The following PHF24 variants were observed in gnomAD, a reference collection of about 807,000 sequenced individuals.
PHF24 encodes the protein Galpha inhibitory interacting protein.
A neutral mutation model predicts 42.6 loss-of-function variants in PHF24; 25 were observed. The ratio of observed to expected loss-of-function variants is 0.59; its 90% CI spans 0.43 to 0.82. The LOEUF (loss-of-function observed/expected upper bound fraction) is 0.82. Ranked by LOEUF, PHF24 falls within the 40% of genes least tolerant of loss-of-function variation. The pLI, the probability that PHF24 is intolerant of heterozygous loss-of-function variation, is 0.00. For synonymous variants in PHF24, 185 were observed against 204.8 expected (o/e 0.90, Z 0.83); for missense variants, 470 against 538.1 (o/e 0.87, Z 1.25).
the PHF24 span, among the ~76,000 whole-genome samples, chr9:34,924,582 A>T: frequency 6.6e-6 from 1 of 152,140 alleles, no homozygotes; most frequent in African/African-American, 2.4e-5. Flanking sequence ...AGCTGATATT[A>T]GTATAGCTAC....
the PHF24 span, among the ~76,000 whole-genome samples, chr9:34,754,646 G>T: frequency 6.6e-6 from 1 of 152,034 alleles, no homozygotes; most frequent in East Asian, 1.9e-4. Flanking sequence ...ATAGTTTGGA[G>T]GTTTCCCAAA....
At chr9:34,685,872 G>A in the PHF24 span, among the ~76,000 whole-genome samples, 1 of 152,140 alleles carries the variant, frequency 6.6e-6, no homozygotes, top group African/African-American at 2.4e-5. Flanking sequence ...TAGGAGATAG[G>A]TCAACTCAGA....
chr9:34,832,467 C>T, the PHF24 span: 473 of 1,503,222 alleles, frequency 3.1e-4, no homozygotes, highest in African/African-American at 7.2e-4. Flanking sequence ...CTTCTGAGCA[C>T]GATGAGATTG....
At chr9:34,723,825 G>T in the PHF24 span, 1 of 1,551,728 alleles carries the variant, frequency 6.4e-7, no homozygotes, top group Admixed American at 2.0e-5. Context: ...TGACTGTCTT[G>T]CAGGTCCTTC....
the PHF24 span, among the ~76,000 whole-genome samples, chr9:34,733,912 T>C: frequency 6.6e-6 from 1 of 152,208 alleles, no homozygotes; most frequent in Admixed American, 6.5e-5. Context: ...GATAAATGAA[T>C]GAAGTTAGAA....
chr9:34,782,881 C>T, the PHF24 span, among the ~76,000 whole-genome samples: 8 of 152,128 alleles, frequency 5.3e-5, no homozygotes, highest in Non-Finnish European at 7.4e-5. Context: ...TCTGACTTAT[C>T]CAAGCACCAG....
the PHF24 span, among the ~76,000 whole-genome samples, chr9:34,718,412 C>G: frequency 6.6e-6 from 1 of 152,246 alleles, no homozygotes; most frequent in Non-Finnish European, 1.5e-5. Context: ...CAAGACTGGT[C>G]AGCCCTGTGA....
the PHF24 span, among the ~76,000 whole-genome samples, chr9:34,761,929 G>A: frequency 1.3e-5 from 2 of 152,024 alleles, no homozygotes; most frequent in African/African-American, 4.8e-5. Flanking sequence ...TCCCACCTAT[G>A]AGTGAGAATA....
the PHF24 span, among the ~76,000 whole-genome samples, chr9:34,936,547 G>A: frequency 1.3e-5 from 2 of 151,346 alleles, no homozygotes; most frequent in Non-Finnish European, 2.9e-5. Context: ...GGGATGTGAG[G>A]AGCCCCTCTG....
chr9:34,680,563 C>CT, the PHF24 span, among the ~76,000 whole-genome samples: 1 of 147,810 alleles, frequency 6.8e-6, no homozygotes, highest in African/African-American at 2.5e-5. Flanking sequence ...TGGCGGGCGC[C>CT]TGTAGTCCCG....
chr9:34,709,994 T>G, the PHF24 span: 1 of 1,614,054 alleles, frequency 6.2e-7, no homozygotes, highest in Non-Finnish European at 8.5e-7. Context: ...CTCCCTGCCT[T>G]GGTACCTTGG....
chr9:34,669,268 G>C, the PHF24 span, among the ~76,000 whole-genome samples: 1 of 152,060 alleles, frequency 6.6e-6, no homozygotes, highest in African/African-American at 2.4e-5. Context: ...ACCCATCTCA[G>C]ATACTTTTGG....
chr9:34,775,189 A>G, the PHF24 span, among the ~76,000 whole-genome samples: 1 of 152,226 alleles, frequency 6.6e-6, no homozygotes, highest in African/African-American at 2.4e-5. Context: ...AACAATATAT[A>G]TAATAGAATA....
the PHF24 span, among the ~76,000 whole-genome samples, chr9:34,801,904 TG>T: frequency 6.8e-3 from 976 of 142,954 alleles, 8 homozygotes; most frequent in Middle Eastern, 0.038. Context: ...CCGTGGGGCC[TG>T]TTGGGGGTGG....
the PHF24 span, among the ~76,000 whole-genome samples, chr9:34,796,781 T>G: frequency 6.6e-6 from 1 of 152,184 alleles, no homozygotes; most frequent in Non-Finnish European, 1.5e-5. Context: ...ACATATACTT[T>G]CCAGGATATG....
At chr9:34,674,548 C>T in the PHF24 span, among the ~76,000 whole-genome samples, 1 of 152,248 alleles carries the variant, frequency 6.6e-6, no homozygotes, top group African/African-American at 2.4e-5. Flanking sequence ...AATGAATAAG[C>T]ATGGCTGTAT....
chr9:34,920,432 T>C, the PHF24 span, among the ~76,000 whole-genome samples: 69,714 of 151,964 alleles, frequency 0.46, 16,446 homozygotes, highest in Non-Finnish European at 0.52. Context: ...TCCTGCAGTG[T>C]TGTGATTCCT....
the PHF24 span, chr9:34,689,464 A>C: frequency 4.0e-6 from 1 of 252,728 alleles, no homozygotes; most frequent in African/African-American, 2.2e-5. The surrounding 1 kb of genome is among the most constrained non-coding windows in gnomAD (Gnocchi z 4.1). Flanking sequence ...GCAAACGGAC[A>C]GCAGACAGAT....
At chr9:34,844,393 A>G in the PHF24 span, among the ~76,000 whole-genome samples, 2 of 150,938 alleles carry the variant, frequency 1.3e-5, no homozygotes, top group Non-Finnish European at 3.0e-5. Context: ...GTTGCTTGAG[A>G]TCTTTCTTCT....
Sources: allele counts gnomAD v4.1 joint callset (sites outside exome capture counted in the v4.1 genomes callset), GRCh38; gene constraint gnomAD v4.1.1; non-coding constraint Gnocchi (gnomAD v3.1); transcripts MANE v1.5; gene names NCBI Gene and HGNC (gene_info 2026-07-23, HGNC 2026-07-21).